EPHA5: variants seen among roughly 807,000 people sequenced by gnomAD.
EPHA5 encodes EPH receptor A5.
EPHA5 carries 60 observed loss-of-function variants against 105.0 expected under a neutral mutation model. The observed-to-expected ratio is 0.57, with a 90% CI of 0.46 to 0.71. EPHA5 has a LOEUF of 0.71. Among genes scored for constraint, EPHA5 ranks in the 30% least tolerant of loss-of-function variants. EPHA5 has a pLI of 0.00. For synonymous variants in EPHA5, 513 were observed against 449.1 expected (o/e 1.14, Z -1.80); for missense variants, 1,218 against 1,274.7 (o/e 0.96, Z 0.68).
In EPHA5 at chr4:65,406,960, T is replaced by C. The variant is rs182184044; in HGVS notation, c.1688-2481A>G. ...TGCTTGTTCATTAATTATCAGATAC[T>C]ATTGTGTTTCTTTTATGTTTCTCCC... is the stretch of plus-strand genomic sequence containing the variant. On this transcript the variant is annotated intron_variant, in intron 7 of 16. Transcript: ENST00000613740. Among the ~76,000 whole-genome samples, 362 of 152,152 alleles carry C rather than the reference T, an allele frequency of 2.4e-3. 4 individuals carry two copies. Among genetic ancestry groups the C allele is most frequent in the African/African-American group, 8.5e-3 (353 of 41,544 alleles).
chr4:65,569,114 G>T (rs915715254), intron 3 of EPHA5, among the ~76,000 whole-genome samples: 1 of 151,500 alleles, frequency 6.6e-6, no homozygotes, highest in African/African-American at 2.4e-5. Context: ...CTATTTTGAA[G>T]ATATATTAAT....
chr4:65,652,002 G>C (rs1748652437), intron 1 of EPHA5, among the ~76,000 whole-genome samples: 2 of 152,060 alleles, frequency 1.3e-5, no homozygotes, highest in African/African-American at 2.4e-5. Flanking sequence ...TATGGTTTTC[G>C]GTGGCTACCT....
chr4:65,427,984 T>A (rs1450166009), intron 5 of EPHA5, among the ~76,000 whole-genome samples: 1 of 152,134 alleles, frequency 6.6e-6, no homozygotes, highest in Non-Finnish European at 1.5e-5. Flanking sequence ...CAGATATAGA[T>A]AAATCCATAT....
At chr4:65,458,488 A>G (rs1320863677) in intron 5 of EPHA5, among the ~76,000 whole-genome samples, 1 of 152,144 alleles carries the variant, frequency 6.6e-6, no homozygotes, top group Non-Finnish European at 1.5e-5. Flanking sequence ...CACACAATTG[A>G]TGACCTTATT....
chr4:65,378,997 C>T (rs1214327496), intron 8 of EPHA5, among the ~76,000 whole-genome samples: 1 of 151,718 alleles, frequency 6.6e-6, no homozygotes, highest in East Asian at 1.9e-4. Flanking sequence ...ACAAATGTAT[C>T]CAATTGTTTG....
intron 6 of EPHA5, among the ~76,000 whole-genome samples, chr4:65,416,323 G>GT (rs1273210692): frequency 1.3e-5 from 2 of 151,940 alleles, no homozygotes; most frequent in African/African-American, 4.8e-5. Flanking sequence ...CTGAACCTCA[G>GT]TTTTTTCTTC....
At chr4:65,463,083 A>G (rs1728276822) in intron 5 of EPHA5, among the ~76,000 whole-genome samples, 2 of 152,202 alleles carry the variant, frequency 1.3e-5, no homozygotes, top group Admixed American at 1.3e-4. Flanking sequence ...GTACACTGAC[A>G]TAAGTATTGG....
Position 65,365,269 on chromosome 4 carries a change from C to T in EPHA5, c.1988-67G>A, listed in dbSNP as rs1477723507. The T allele has an allele frequency of 8.8e-6, 11 of 1,248,968 alleles. No individual in the cohort carries two copies. The Admixed American group carries it at 1.1e-4, about 13-fold the overall frequency. 77.4% of individuals were successfully genotyped at this position (1,248,968 alleles called of 1,614,324 possible). ...TTGTTAGTCTATTAACACTTGTATG[C>T]CCTCTTAGACTACTAAGGCTTAGAT... On this transcript the variant is annotated intron_variant, in intron 10 of 16. Transcript: ENST00000613740.
chr4:65,578,318 T>TA (rs35294586), intron 3 of EPHA5, among the ~76,000 whole-genome samples: 14 of 152,006 alleles, frequency 9.2e-5, no homozygotes, highest in East Asian at 3.9e-4. Flanking sequence ...AGTTTTATGC[T>TA]AAAAAAAATG....
At chr4:65,445,978 T>A (rs556257069) in intron 5 of EPHA5, among the ~76,000 whole-genome samples, 5 of 152,292 alleles carry the variant, frequency 3.3e-5, no homozygotes, top group Non-Finnish European at 7.4e-5. Context: ...GCCACCACTA[T>A]CTCTCCTGAG....
intron 1 of EPHA5, among the ~76,000 whole-genome samples, chr4:65,648,107 T>A (rs902276070): frequency 6.6e-6 from 1 of 152,166 alleles, no homozygotes; most frequent in Non-Finnish European, 1.5e-5. Context: ...TGCTAACTCA[T>A]TATATTTGTT....
chr4:65,435,532 C>T (rs1439881945), intron 5 of EPHA5, among the ~76,000 whole-genome samples: 1 of 152,048 alleles, frequency 6.6e-6, no homozygotes, highest in African/African-American at 2.4e-5. Flanking sequence ...ATTAGACTGA[C>T]ATATTCTTGA....
intron 5 of EPHA5, among the ~76,000 whole-genome samples, chr4:65,466,749 A>G (rs1728760147): frequency 1.3e-5 from 2 of 152,338 alleles, no homozygotes; most frequent in South Asian, 4.1e-4. Flanking sequence ...AGTGTTTCCA[A>G]GATTACCGAA....
rs1016895969 is a variant in EPHA5, at chr4:65,320,329, C to T, written c.*3785G>A. The T allele has an allele frequency of 4.4e-5, 10 of 225,618 alleles. 1 individual carries two copies. Among genetic ancestry groups the T allele is most frequent in the East Asian group, 2.5e-4 (4 of 16,216 alleles). The allele number at this position is 225,618 out of a possible 1,614,324, so 14.0% of individuals were successfully genotyped here. On this transcript the variant is annotated 3_prime_UTR_variant, in exon 17 of 17. Transcript: ENST00000613740. ...CATTTTGATTCCATTTATTCTTCAT[C>T]ATCATCATCATCATCATCATCAGGA...
chr4:65,544,578 C>T (rs1737188073), intron 3 of EPHA5, among the ~76,000 whole-genome samples: 1 of 151,894 alleles, frequency 6.6e-6, no homozygotes, highest in Admixed American at 6.6e-5. Context: ...CAAGAAGTAG[C>T]AGATGCTGGC....
intron 16 of EPHA5, among the ~76,000 whole-genome samples, chr4:65,328,651 T>C (rs1254000245): frequency 6.7e-6 from 1 of 149,798 alleles, no homozygotes; most frequent in Non-Finnish European, 1.5e-5. Flanking sequence ...GTTTGTCATT[T>C]TTTTTTTTGT....
chr4:65,599,361 A>ACACACACC (rs1743486417), intron 3 of EPHA5, among the ~76,000 whole-genome samples: 1 of 151,768 alleles, frequency 6.6e-6, no homozygotes, highest in Non-Finnish European at 1.5e-5. Flanking sequence ...ACACACACAC[A>ACACACACC]CACACACACA....
At chr4:65,429,006 AAATT>A (rs1457717638) in intron 5 of EPHA5, among the ~76,000 whole-genome samples, 8 of 152,054 alleles carry the variant, frequency 5.3e-5, no homozygotes, top group Non-Finnish European at 1.2e-4. Context: ...ATCTCACACC[AAATT>A]AATTGTCATT....
chr4:65,454,671 G>A (rs1003526790), intron 5 of EPHA5, among the ~76,000 whole-genome samples: 1 of 152,154 alleles, frequency 6.6e-6, no homozygotes, highest in Non-Finnish European at 1.5e-5. Context: ...GATGAAACCA[G>A]TATGTTTTGG....
Sources: allele counts gnomAD v4.1 joint callset (sites outside exome capture counted in the v4.1 genomes callset), GRCh38; gene constraint gnomAD v4.1.1; transcripts MANE v1.5; gene names NCBI Gene and HGNC (gene_info 2026-07-23, HGNC 2026-07-21).